APLP1: variants seen among roughly 807,000 people sequenced by gnomAD.
The protein encoded by APLP1 is amyloid beta precursor like protein 1.
A neutral mutation model predicts 84.5 loss-of-function variants in APLP1; 46 were observed. The observed-to-expected ratio is 0.54, with a 90% CI of 0.43 to 0.70. APLP1 has a LOEUF of 0.70. Among genes scored for constraint, APLP1 ranks in the 30% least tolerant of loss-of-function variants. The pLI is 0.00. For synonymous variants in APLP1, 376 were observed against 364.0 expected (o/e 1.03, Z -0.38); for missense variants, 826 against 900.2 (o/e 0.92, Z 1.05).
In APLP1 at chr19:35,877,826, G is replaced by A. The variant is rs1298226514; in HGVS notation, c.1552+1G>A. The A allele has an allele frequency of 2.5e-6, 4 of 1,607,732 alleles. No individual in the cohort carries two copies. Among genetic ancestry groups the A allele is most frequent in the Non-Finnish European group, 3.4e-6 (4 of 1,177,176 alleles). On this transcript the variant is annotated splice_donor_variant, in intron 12 of 16. Coordinates refer to ENST00000221891, the MANE Select transcript of APLP1 (RefSeq NM_001024807.3). LOFTEE classifies it high-confidence loss of function. ...CTGCAGCCTCCAGATTCCAAGGATGGTGAGTGAGCCCACATATAGATGACC... is the reference window on the plus strand; with the variant it reads ...CTGCAGCCTCCAGATTCCAAGGATGATGAGTGAGCCCACATATAGATGACC...
At position 35,876,508 on chromosome 19, in the gene APLP1, C is replaced by A. The variant is rs1244652692; in HGVS notation, c.1345-9C>A. On this transcript the variant is annotated splice_polypyrimidine_tract_variant and intron_variant, in intron 10 of 16. Transcript: ENST00000221891. Reference sequence around the variant, plus strand: ...GCGCAGTTCATCCTTCATGTCCACTCACCCACAGGTGCATACCCACCTTCA... The same window carrying A: ...GCGCAGTTCATCCTTCATGTCCACTAACCCACAGGTGCATACCCACCTTCA... 12 of 1,611,920 alleles carry A rather than the reference C, an allele frequency of 7.4e-6. No homozygotes were observed. In the South Asian group the frequency reaches 8.8e-5, roughly 12 times the overall value.
At chr19:35,875,106 G>A (rs371312637) in intron 10 of APLP1, among the ~76,000 whole-genome samples, 36 of 149,868 alleles carry the variant, frequency 2.4e-4, no homozygotes, top group African/African-American at 7.9e-4. Flanking sequence ...TACTCCCCCC[G>A]CCGTCGATCC....
intron 7 of APLP1, 141 bp from the exon 8 acceptor site, chr19:35,873,498 C>T (rs985305661): frequency 9.5e-6 from 7 of 740,558 alleles, no homozygotes; most frequent in African/African-American, 7.0e-5. Flanking sequence ...CCACCCACCT[C>T]GGCCTCCCAA....
intron 2 of APLP1, 110 bp downstream of exon 2, chr19:35,869,920 C>T: frequency 1.4e-6 from 2 of 1,402,514 alleles, no homozygotes; most frequent in Non-Finnish European, 9.5e-7. Flanking sequence ...GGGGGCGTGG[C>T]CAATAAAGAG....
chr19:35,869,561 G>T lies in APLP1; in HGVS notation c.148-106G>T, dbSNP rs749070917. The T allele has an allele frequency of 2.1e-5, 30 of 1,457,384 alleles. No homozygotes were observed. In the Admixed American group the frequency reaches 5.6e-4, roughly 27 times the overall value. 90.3% of individuals were successfully genotyped at this position (1,457,384 alleles called of 1,614,324 possible). A position where few individuals can be genotyped will look rare whatever the true frequency, so the allele number is the denominator to read the frequency against. On this transcript the variant is annotated intron_variant, in intron 1 of 16. Transcript: ENST00000221891. ...CCATGGAGGCGGTGTGCGGTGCTTG[G>T]GGGAGGGGGCTGGTGCTGGGGGTCT...
chr19:35,873,657 A>G lies in APLP1; in HGVS notation c.1000A>G (p.Met334Val). The change falls in exon 8 of 17, where the codon ATG becomes GTG. Residue 334 changes from methionine to valine, a missense_variant. By Grantham distance (21) the Met-to-Val change is conservative. Coordinates refer to ENST00000221891, the MANE Select transcript of APLP1 (RefSeq NM_001024807.3). ...TATGCAGGTGATGCGTGAATGGGCC[A>G]TGGCAGACAACCAGTCCAAGAACCT... is the stretch of plus-strand genomic sequence containing the variant. Reference protein sequence around the residue: ...QINEVMREWAMADNQSKNLPK... With the variant: ...QINEVMREWAVADNQSKNLPK... 1 of 1,614,140 alleles carries G rather than the reference A, an allele frequency of 6.2e-7. No individual in the cohort carries two copies. The highest frequency in any genetic ancestry group is 1.1e-5 in the South Asian group (1 of 91,072).
In APLP1 at chr19:35,874,495, G is replaced by A. The variant is rs138847247; in HGVS notation, c.1057-9G>A. ...TCCTCTCCTGACCCTGTGCCCACCC[G>A]CTCCCCAGCACTTCCAGTCCATTCT... On this transcript the variant is annotated splice_polypyrimidine_tract_variant and intron_variant, in intron 8 of 16. Coordinates refer to ENST00000221891, the MANE Select transcript of APLP1 (RefSeq NM_001024807.3). This position sits in a 1 kb window ranked among gnomAD's most constrained non-coding sequence, Gnocchi z 6.4. 1.6e-4 allele frequency: 262 copies of A among 1,613,644 alleles called. No individual in the cohort carries two copies. Among genetic ancestry groups the A allele is most frequent in the African/African-American group, 2.1e-4 (16 of 75,030 alleles).
chr19:35,871,554 T>TC, intron 4 of APLP1, 58 bp from the exon 5 acceptor site: 1 of 1,604,928 alleles, frequency 6.2e-7, no homozygotes, highest in Non-Finnish European at 8.5e-7. Flanking sequence ...GCAGCCCAGT[T>TC]CCCCATCTAC....
Position 35,879,108 on chromosome 19 carries a change from T to C in APLP1, c.1748T>C (p.Val583Ala), listed in dbSNP as rs1199998609. The C allele has an allele frequency of 8.7e-6, 14 of 1,612,204 alleles. No individual in the cohort carries two copies. The highest frequency in any genetic ancestry group is 3.3e-5 in the Admixed American group (2 of 60,024). Residue 583 changes from valine to alanine, a missense_variant, in exon 16 of 17, where the codon GTG (valine) becomes GCG (alanine). This residue lies in a region of APLP1 where 433 missense variants were observed against 496.5 expected (regional missense o/e 0.87). Coordinates refer to ENST00000221891, the MANE Select transcript of APLP1 (RefSeq NM_001024807.3). ...GGGACAGGGGTGTCCCGTGAGGCTG[T>C]GTCGGGTCTGCTGATCATGGGAGCG... ...PAGTGVSREA[V>A]SGLLIMGAGG...
At chr19:35,873,897 C>G (rs1736574838) in intron 8 of APLP1, among the ~76,000 whole-genome samples, 184 bp downstream of exon 8, 1 of 152,208 alleles carries the variant, frequency 6.6e-6, no homozygotes, top group African/African-American at 2.4e-5. Context: ...TGACACTGCT[C>G]TCCTCCCCAG....
chr19:35,872,119 G>A, intron 6 of APLP1, 83 bp downstream of exon 6: 2 of 1,510,462 alleles, frequency 1.3e-6, no homozygotes, highest in Non-Finnish European at 1.8e-6. Context: ...GGTGTCTTTG[G>A]GAGGGGCCTA....
At position 35,874,408 on chromosome 19, in the gene APLP1, C is replaced by T; in HGVS notation, c.1057-96C>T. The T allele has an allele frequency of 6.7e-7, 1 of 1,495,662 alleles. No individual in the cohort carries two copies. The highest frequency in any genetic ancestry group is 9.2e-7 in the Non-Finnish European group (1 of 1,090,214). The allele number at this position is 1,495,662 out of a possible 1,614,324, so 92.6% of individuals were successfully genotyped here. ...GCCCAGGCCTGGACCCCTGGAACGC[C>T]CCCCAACCCCATGTAGCCCTGCCTT... On this transcript the variant is annotated intron_variant, in intron 8 of 16. Transcript: ENST00000221891. This position sits in a 1 kb window ranked among gnomAD's most constrained non-coding sequence, Gnocchi z 6.4.
At position 35,879,201 on chromosome 19, in the gene APLP1, G is replaced by C. The variant is rs143425453; in HGVS notation, c.1841G>C (p.Ser614Thr). Residue 614 changes from serine (S) to threonine (T), a missense_variant, in exon 16 of 17, where the codon AGC (serine) becomes ACC (threonine). By Grantham distance (58) the Ser-to-Thr change is moderately conservative (BLOSUM62 1). Transcript: ENST00000221891. ...LRRKKPYGAI[S>T]HGVVEVDPML... Reference sequence around the variant, plus strand: ...AGGAAGAAGCCCTACGGGGCTATCAGCCATGGCGTGGTGGAGGTGAGAACC... The same window carrying C: ...AGGAAGAAGCCCTACGGGGCTATCACCCATGGCGTGGTGGAGGTGAGAACC... 3.3e-5 allele frequency: 54 copies of C among 1,612,898 alleles called. No individual in the cohort carries two copies. In the African/African-American group the frequency reaches 6.3e-4, roughly 19 times the overall value.
At chr19:35,870,860 G>A (rs1282260002) in intron 2 of APLP1, 36 bp from the exon 3 acceptor site, 5 of 1,587,822 alleles carry the variant, frequency 3.1e-6, no homozygotes, top group Non-Finnish European at 4.3e-6. Flanking sequence ...GCAGGGGCGG[G>A]GCAGTGGGCT....
rs1013895915 is a variant in APLP1 at position 35,879,753 on chromosome 19, T to A, written c.*312T>A. On this transcript the variant is annotated 3_prime_UTR_variant, in exon 17 of 17. Transcript: ENST00000221891. Reference sequence around the variant, plus strand: ...ATTCCCTGGAATTCACCCTCTCATGTTTCCCTACTAACATCCCAATAAAGT... The same window carrying A: ...ATTCCCTGGAATTCACCCTCTCATGATTCCCTACTAACATCCCAATAAAGT... 1.8e-5 allele frequency: 6 copies of A among 339,192 alleles called. No homozygotes were observed. Among genetic ancestry groups the A allele is most frequent in the Non-Finnish European group, 2.7e-5 (5 of 185,584 alleles). The allele number at this position is 339,192 out of a possible 1,614,324, so 21.0% of individuals were successfully genotyped here.
rs1974235655 is a variant in APLP1 at position 35,874,607 on chromosome 19, A to G, written c.1160A>G (p.Gln387Arg). 1 of 1,613,998 alleles carries G rather than the reference A, an allele frequency of 6.2e-7. No homozygotes were observed. Among genetic ancestry groups the G allele is most frequent in the Non-Finnish European group, 8.5e-7 (1 of 1,180,034 alleles). Residue 387 changes from glutamine to arginine, a missense_variant, in exon 9 of 17, where the codon CAG (glutamine) becomes CGG (arginine). Gln to Arg is a conservative substitution (Grantham distance 43, BLOSUM62 1). This residue lies in a region of APLP1 where 433 missense variants were observed against 496.5 expected (regional missense o/e 0.87). Coordinates refer to ENST00000221891, the MANE Select transcript of APLP1 (RefSeq NM_001024807.3). This position sits in a 1 kb window ranked among gnomAD's most constrained non-coding sequence, Gnocchi z 6.4. ...ATRVIALIND[Q>R]RRAALEGFLA... ...CGCGTCATCGCCCTTATCAACGACC[A>G]GCGCCGGGCTGCCTTGGAGGGCTTC...
chr19:35,871,163 A>G, intron 3 of APLP1, 74 bp from the exon 4 acceptor site: 2 of 1,549,366 alleles, frequency 1.3e-6, no homozygotes, highest in South Asian at 2.4e-5. Context: ...CTGAGGATAA[A>G]ATATCTGGAT....
chr19:35,876,693 A>C (rs544009941), intron 11 of APLP1, 77 bp downstream of exon 11: 2 of 1,160,784 alleles, frequency 1.7e-6, no homozygotes, highest in African/African-American at 3.1e-5. Flanking sequence ...GGCCCCCCCA[A>C]TTTCATTTAT....
chr19:35,876,034 C>A (rs866491410), intron 10 of APLP1, among the ~76,000 whole-genome samples: 3 of 152,166 alleles, frequency 2.0e-5, no homozygotes, highest in Non-Finnish European at 4.4e-5. Flanking sequence ...CTCGGCCTCC[C>A]AAAGTGCTGG....
Sources: allele counts gnomAD v4.1 joint callset (sites outside exome capture counted in the v4.1 genomes callset), GRCh38; gene constraint gnomAD v4.1.1; regional missense constraint gnomAD v4.1.1; non-coding constraint Gnocchi (gnomAD v3.1); transcripts MANE v1.5; gene names NCBI Gene and HGNC (gene_info 2026-07-23, HGNC 2026-07-21).